The following MGAT4C variants were observed in gnomAD, a reference collection of about 807,000 sequenced individuals.
MGAT4C encodes alpha-1,3-mannosyl-glycoprotein 4-beta-N-acetylglucosaminyltransferase C.
A neutral mutation model predicts 40.1 loss-of-function variants in MGAT4C; 19 were observed. The observed-to-expected ratio is 0.47, with a 90% CI of 0.33 to 0.70. MGAT4C has a LOEUF of 0.70. Ranked by LOEUF, MGAT4C falls within the 30% of genes least tolerant of loss-of-function variation. The pLI, the probability that MGAT4C is intolerant of heterozygous loss-of-function variation, is 0.02. For missense variants in MGAT4C, 491 were observed against 563.2 expected, an observed-to-expected ratio of 0.87 and a Z score of 1.30; for synonymous variants, 181 against 187.1, an observed-to-expected ratio of 0.97 and a Z score of 0.27.
At chr12:86,181,293 T>G (rs1888095675) in intron 1 of MGAT4C, among the ~76,000 whole-genome samples, 1 of 152,290 alleles carries the variant, frequency 6.6e-6, no homozygotes, top group Non-Finnish European at 1.5e-5. Context: ...GAAAAAAAAC[T>G]AATACAACCT....
intron 2 of MGAT4C, among the ~76,000 whole-genome samples, chr12:86,605,951 C>T (rs1257167847): frequency 6.6e-6 from 1 of 152,126 alleles, no homozygotes; most frequent in South Asian, 2.1e-4. Context: ...GTTTAATTGA[C>T]TCACTGTTCA....
At chr12:86,289,343 T>A (rs1287574321) in intron 4 of MGAT4C, among the ~76,000 whole-genome samples, 2 of 152,200 alleles carry the variant, frequency 1.3e-5, no homozygotes, top group African/African-American at 4.8e-5. Context: ...GGTAATTGGA[T>A]GCCTCGGGCT....
chr12:86,760,338 C>T (rs1201442061), intron 1 of MGAT4C, among the ~76,000 whole-genome samples: 1 of 152,010 alleles, frequency 6.6e-6, no homozygotes, highest in Non-Finnish European at 1.5e-5. Flanking sequence ...TAGAAGAAAG[C>T]TCCATGACAC....
intron 2 of MGAT4C, among the ~76,000 whole-genome samples, chr12:86,038,238 A>T (rs931407303): frequency 1.3e-4 from 19 of 149,800 alleles, no homozygotes; most frequent in African/African-American, 4.6e-4. Context: ...CTTCTAGTTT[A>T]AGCTAGAAGC....
chr12:86,464,175 A>T (rs566026221), intron 2 of MGAT4C, among the ~76,000 whole-genome samples: 1 of 152,162 alleles, frequency 6.6e-6, no homozygotes, highest in Non-Finnish European at 1.5e-5. Context: ...CTCACTGATG[A>T]TTCCAAATAA....
intron 2 of MGAT4C, among the ~76,000 whole-genome samples, chr12:86,489,450 C>T (rs559697338): frequency 5.3e-5 from 8 of 152,180 alleles, no homozygotes; most frequent in African/African-American, 1.7e-4. Flanking sequence ...GTCACACTAG[C>T]CCTTTCCTCT....
chr12:86,016,328 T>G (rs1316545068), intron 2 of MGAT4C: 1 of 152,230 alleles, frequency 6.6e-6, no homozygotes, highest in African/African-American at 2.4e-5. Flanking sequence ...AATATCTATA[T>G]GGAACCAGAG....
intron 1 of MGAT4C, among the ~76,000 whole-genome samples, chr12:86,229,903 GA>G (rs1418652383): frequency 2.0e-5 from 3 of 152,014 alleles, no homozygotes; most frequent in African/African-American, 7.2e-5. Flanking sequence ...TGAGCAACAT[GA>G]AATAATGTCT....
chr12:86,383,701 C>T lies in MGAT4C; in HGVS notation c.-119-49574G>A, dbSNP rs151087424. Reference sequence around the variant, plus strand: ...CCAATGCCTGTATCCTCATTGTATCCAGAAAGTAACTAACTTGGTTTTGAT... The same window carrying T: ...CCAATGCCTGTATCCTCATTGTATCTAGAAAGTAACTAACTTGGTTTTGAT... On this transcript the variant is annotated intron_variant, in intron 3 of 7. Transcript: ENST00000548651. Among the ~76,000 whole-genome samples, 144 of 152,054 alleles carry T rather than the reference C, an allele frequency of 9.5e-4. 1 individual carries two copies. Among genetic ancestry groups the T allele is most frequent in the African/African-American group, 3.1e-3 (130 of 41,456 alleles).
At chr12:86,832,297 T>C (rs954348452) in intron 1 of MGAT4C, among the ~76,000 whole-genome samples, 18 of 151,880 alleles carry the variant, frequency 1.2e-4, no homozygotes, top group African/African-American at 4.3e-4. Flanking sequence ...ATTATTTCTC[T>C]ACATAATATG....
rs188355207 is a variant in MGAT4C at position 86,146,581 on chromosome 12, C to T, written c.-56-96858G>A. Among the ~76,000 whole-genome samples, 539 of 152,110 alleles carry T rather than the reference C, an allele frequency of 3.5e-3. 4 individuals are homozygous for T. Among genetic ancestry groups the T allele is most frequent in the Admixed American group, 8.1e-3 (123 of 15,274 alleles). On this transcript the variant is annotated intron_variant, in intron 1 of 4. Coordinates refer to ENST00000611864, the MANE Select transcript of MGAT4C (RefSeq NM_001351288.2). ...TCTCTCTAAGAACTGGGAAGTTATCCGATCTAATGGCCTCTTCAAGGTCTT... is the reference window on the plus strand; with the variant it reads ...TCTCTCTAAGAACTGGGAAGTTATCTGATCTAATGGCCTCTTCAAGGTCTT...
At chr12:86,512,746 G>A (rs1213231350) in intron 2 of MGAT4C, among the ~76,000 whole-genome samples, 1 of 152,202 alleles carries the variant, frequency 6.6e-6, no homozygotes, top group Non-Finnish European at 1.5e-5. Flanking sequence ...CAGAAGCAGA[G>A]GGTAGAATGG....
rs574182737 is a variant in MGAT4C, at chr12:86,781,636, G to GA, written c.-261-54396dup. ...CTTTTCTAGACACTTACGGTGGCCA[G>GA]AAAAAAAAAATGACAACATCCCTGT... On this transcript the variant is annotated intron_variant, in intron 1 of 7. Coordinates refer to the MGAT4C transcript ENST00000548651. Among the ~76,000 whole-genome samples the GA allele has an allele frequency of 3.7e-3, 542 of 146,356 alleles. 1 individual carries two copies. Among genetic ancestry groups the GA allele is most frequent in the Middle Eastern group, 7.0e-3 (2 of 284 alleles).
intron 3 of MGAT4C, among the ~76,000 whole-genome samples, chr12:86,344,388 C>A (rs147416995): frequency 2.0e-5 from 3 of 152,190 alleles, no homozygotes; most frequent in Non-Finnish European, 4.4e-5. Flanking sequence ...AAATAGACTA[C>A]TCTTTTTATT....
chr12:86,227,331 C>T (rs1951131756), intron 1 of MGAT4C, among the ~76,000 whole-genome samples: 1 of 152,064 alleles, frequency 6.6e-6, no homozygotes, highest in African/African-American at 2.4e-5. Context: ...AATTCAAGCA[C>T]TTTCCATTAG....
chr12:86,348,920 C>T (rs546219523), intron 3 of MGAT4C, among the ~76,000 whole-genome samples: 3 of 152,030 alleles, frequency 2.0e-5, no homozygotes, highest in Non-Finnish European at 4.4e-5. Flanking sequence ...TAATTATTAT[C>T]AACTTTGTGG....
intron 2 of MGAT4C, among the ~76,000 whole-genome samples, chr12:86,003,768 A>G (rs1347023706): frequency 2.0e-5 from 3 of 152,138 alleles, no homozygotes; most frequent in Admixed American, 6.5e-5. Flanking sequence ...AAGAAGAAGA[A>G]GAAGAAGAGG....
At chr12:86,307,896 G>T (rs1953979212) in intron 4 of MGAT4C, among the ~76,000 whole-genome samples, 1 of 150,034 alleles carries the variant, frequency 6.7e-6, no homozygotes, top group Admixed American at 6.6e-5. Context: ...GTAGAGACAG[G>T]GTTTCACCGT....
At chr12:86,128,625 G>T (rs1593016244) in intron 1 of MGAT4C, among the ~76,000 whole-genome samples, 1 of 152,096 alleles carries the variant, frequency 6.6e-6, no homozygotes, top group Non-Finnish European at 1.5e-5. Context: ...ATCAAAATAC[G>T]TGGATCTGTG....
Sources: gnomAD v4.1 joint callset for allele counts (sites outside exome capture counted in the v4.1 genomes callset) on GRCh38, gnomAD v4.1.1 for gene constraint, MANE v1.5 for transcripts, NCBI Gene and HGNC (gene_info 2026-07-23, HGNC 2026-07-21) for gene names.